SGCD: variants seen among roughly 807,000 people sequenced by gnomAD.
SGCD encodes sarcoglycan delta.
A neutral mutation model predicts 36.6 loss-of-function variants in SGCD; 18 were observed. That is an observed-to-expected ratio of 0.49 (90% CI 0.34 to 0.73). The LOEUF (loss-of-function observed/expected upper bound fraction) is 0.73. SGCD is among the 30% of genes least tolerant of loss of function. SGCD has a pLI of 0.01. For synonymous variants in SGCD, 133 were observed against 130.6 expected, an observed-to-expected ratio of 1.02 and a Z score of -0.12; for missense variants, 387 against 346.7, an observed-to-expected ratio of 1.12 and a Z score of -0.92.
At chr5:156,047,861 T>A (rs537138624) in intron 1 of SGCD, among the ~76,000 whole-genome samples, 3 of 152,270 alleles carry the variant, frequency 2.0e-5, no homozygotes, top group African/African-American at 7.2e-5. Context: ...TTAGGGTACA[T>A]GTGCACAATG....
intron 1 of SGCD, among the ~76,000 whole-genome samples, chr5:156,090,417 G>C (rs754093390): frequency 2.0e-5 from 3 of 152,150 alleles, no homozygotes; most frequent in Non-Finnish European, 4.4e-5. Context: ...GGACTGTGAT[G>C]GCGACCTCGA....
intron 3 of SGCD, among the ~76,000 whole-genome samples, chr5:156,206,662 C>G (rs1428138): frequency 0.015 from 2,231 of 151,914 alleles, 61 homozygotes; most frequent in African/African-American, 0.051. Context: ...TATGGGACAC[C>G]AAGGCATTTA....
chr5:156,551,811 A>G (rs1758809654), intron 4 of SGCD, among the ~76,000 whole-genome samples: 2 of 152,076 alleles, frequency 1.3e-5, no homozygotes, highest in South Asian at 2.1e-4. Context: ...AGAAGTTACT[A>G]TTTCCTGACA....
At chr5:156,379,392 A>T (rs1472282601) in intron 3 of SGCD, among the ~76,000 whole-genome samples, 1 of 152,188 alleles carries the variant, frequency 6.6e-6, no homozygotes, top group Non-Finnish European at 1.5e-5. Context: ...AGAGAGGATC[A>T]GAGGGAGCAG....
intron 1 of SGCD, among the ~76,000 whole-genome samples, chr5:155,924,925 C>A (rs1397734852): frequency 6.6e-6 from 1 of 152,124 alleles, no homozygotes; most frequent in Non-Finnish European, 1.5e-5. Flanking sequence ...ATTTGAGGAC[C>A]ATTATCCTTG....
intron 3 of SGCD, among the ~76,000 whole-genome samples, chr5:156,425,813 T>C (rs541273213): frequency 6.6e-6 from 1 of 152,098 alleles, no homozygotes; most frequent in Non-Finnish European, 1.5e-5. Context: ...ATAGGATATT[T>C]GCTTTTCTAT....
At chr5:156,023,224 GGA>G (rs1224597052) in intron 1 of SGCD, among the ~76,000 whole-genome samples, 1 of 152,226 alleles carries the variant, frequency 6.6e-6, no homozygotes, top group East Asian at 1.9e-4. Context: ...GCACATAGTA[GGA>G]GCTTGATAAA....
rs193246971 is a variant in SGCD at position 156,750,981 on chromosome 5, C to G, written c.576-6600C>G. On this transcript the variant is annotated intron_variant, in intron 7 of 8. Transcript: ENST00000337851. ...TCCATGGATTGAATTTGAATCCCAT[C>G]CAAATTCCAAAAGAATTTCCTTATG... 1.3e-3 allele frequency among the ~76,000 whole-genome samples: 198 copies of G among 152,254 alleles called. 4 individuals carry two copies. Among genetic ancestry groups the G allele is most frequent in the Non-Finnish European group, 1.5e-3 (104 of 68,012 alleles).
chr5:155,839,303 G>A, the SGCD span, among the ~76,000 whole-genome samples: 1 of 152,198 alleles, frequency 6.6e-6, no homozygotes, highest in Admixed American at 6.5e-5. Context: ...GACTTAGATT[G>A]TAGACCTAAA....
At chr5:156,479,264 T>C (rs886986785) in intron 3 of SGCD, among the ~76,000 whole-genome samples, 1 of 151,904 alleles carries the variant, frequency 6.6e-6, no homozygotes, top group African/African-American at 2.4e-5. Context: ...GGCTAATTTT[T>C]TTTGTACTTT....
chr5:156,019,444 T>A (rs1290141729), intron 1 of SGCD, among the ~76,000 whole-genome samples: 2 of 152,320 alleles, frequency 1.3e-5, no homozygotes, highest in East Asian at 3.9e-4. Flanking sequence ...TAGAGAACTG[T>A]TAATGATCTC....
intron 3 of SGCD, among the ~76,000 whole-genome samples, chr5:156,483,796 G>A (rs1755543085): frequency 6.6e-6 from 1 of 152,158 alleles, no homozygotes; most frequent in South Asian, 2.1e-4. Flanking sequence ...TTGTGGCCAG[G>A]TTTTTAAAAA....
chr5:155,793,644 C>A, the SGCD span, among the ~76,000 whole-genome samples: 1 of 151,372 alleles, frequency 6.6e-6, no homozygotes, highest in Non-Finnish European at 1.5e-5. Context: ...TGGGTTCAAG[C>A]AATTCTCCTA....
chr5:155,876,371 C>T (rs755265455), intron 1 of SGCD, among the ~76,000 whole-genome samples: 4 of 151,896 alleles, frequency 2.6e-5, no homozygotes, highest in Non-Finnish European at 4.4e-5. Context: ...CATTTTGGAA[C>T]AGTAAGACAC....
chr5:155,890,677 T>TAGAC (rs138886775), intron 1 of SGCD, among the ~76,000 whole-genome samples: 3,415 of 150,596 alleles, frequency 0.023, 96 homozygotes, highest in African/African-American at 0.07. Flanking sequence ...GATAGATAGA[T>TAGAC]AGACAGATAG....
At chr5:155,768,712 A>T in the SGCD span, among the ~76,000 whole-genome samples, 1 of 152,174 alleles carries the variant, frequency 6.6e-6, no homozygotes, top group African/African-American at 2.4e-5. Context: ...AGGAGAGATG[A>T]ATGTTGTGTC....
At chr5:156,424,025 A>G (rs1036584777) in intron 3 of SGCD, among the ~76,000 whole-genome samples, 21 of 152,020 alleles carry the variant, frequency 1.4e-4, no homozygotes, top group African/African-American at 5.1e-4. Context: ...TTCGTGGCAC[A>G]TCACTATTAT....
chr5:156,380,153 T>A (rs1364798584), intron 3 of SGCD, among the ~76,000 whole-genome samples: 1 of 152,136 alleles, frequency 6.6e-6, no homozygotes, highest in Non-Finnish European at 1.5e-5. Flanking sequence ...AAATGATCAT[T>A]GCAAACATCT....
chr5:156,089,788 G>A (rs1278836771), intron 1 of SGCD, among the ~76,000 whole-genome samples: 1 of 152,156 alleles, frequency 6.6e-6, no homozygotes, highest in African/African-American at 2.4e-5. Context: ...CTGGAGGTGT[G>A]GTCCCCTGAG....
Sources: gnomAD v4.1 joint callset for allele counts (sites outside exome capture counted in the v4.1 genomes callset) on GRCh38, gnomAD v4.1.1 for gene constraint, MANE v1.5 for transcripts, NCBI Gene and HGNC (gene_info 2026-07-23, HGNC 2026-07-21) for gene names.